The following RGS7 variants were observed in gnomAD, a reference collection of about 807,000 sequenced individuals.
RGS7 encodes the protein regulator of G protein signaling 7, also known as regulator of G-protein signaling 7.
In RGS7, 27 loss-of-function variants were observed where a neutral mutation model predicts 81.1. The ratio of observed to expected loss-of-function variants is 0.33; its 90% CI spans 0.25 to 0.46. The LOEUF is 0.46. Ranked by LOEUF, RGS7 falls within the 20% of genes least tolerant of loss-of-function variation. RGS7 has a pLI of 1.00. For missense variants in RGS7, 396 were observed against 607.4 expected, an observed-to-expected ratio of 0.65 and a Z score of 3.66; for synonymous variants, 208 against 207.7, an observed-to-expected ratio of 1.00 and a Z score of -0.01.
chr1:240,924,272 A>T (rs911328760), intron 6 of RGS7, among the ~76,000 whole-genome samples: 44 of 152,156 alleles, frequency 2.9e-4, no homozygotes, highest in Non-Finnish European at 3.7e-4. Flanking sequence ...GATTCTCAAC[A>T]TCCTTTTATT....
At chr1:241,345,493 T>G (rs2082837444) in intron 2 of RGS7, among the ~76,000 whole-genome samples, 2 of 152,206 alleles carry the variant, frequency 1.3e-5, no homozygotes, top group South Asian at 4.1e-4. Context: ...AGAAGAGTTT[T>G]TATAAAGGTA....
intron 10 of RGS7, among the ~76,000 whole-genome samples, chr1:240,820,582 T>C (rs890952375): frequency 7.9e-5 from 12 of 151,924 alleles, no homozygotes; most frequent in African/African-American, 2.7e-4. Context: ...CTTTGGGAGG[T>C]GACTAGGTAT....
At chr1:240,961,698 G>C (rs1326494612) in intron 4 of RGS7, among the ~76,000 whole-genome samples, 1 of 152,186 alleles carries the variant, frequency 6.6e-6, no homozygotes, top group Admixed American at 6.5e-5. Flanking sequence ...CATTGAACTG[G>C]TACCTTTCTG....
chr1:241,345,287 T>C (rs971494256), intron 2 of RGS7, among the ~76,000 whole-genome samples: 1 of 152,182 alleles, frequency 6.6e-6, no homozygotes, highest in Admixed American at 6.5e-5. Flanking sequence ...TATTGGGTTA[T>C]AACTATGCTT....
chr1:241,299,271 C>A (rs1446061764), intron 2 of RGS7, among the ~76,000 whole-genome samples: 2 of 152,064 alleles, frequency 1.3e-5, no homozygotes, highest in Non-Finnish European at 2.9e-5. Context: ...CTCACAATGT[C>A]CAGGAAGATC....
intron 13 of RGS7, among the ~76,000 whole-genome samples, chr1:240,812,810 G>C (rs1162437133): frequency 6.6e-6 from 1 of 152,162 alleles, no homozygotes; most frequent in Admixed American, 6.6e-5. Flanking sequence ...GTAACCAAAA[G>C]ATCTCAATAC....
chr1:241,291,805 A>C (rs1024197784), intron 2 of RGS7, among the ~76,000 whole-genome samples: 1 of 151,650 alleles, frequency 6.6e-6, no homozygotes, highest in African/African-American at 2.4e-5. Context: ...CGAACTCCTG[A>C]CCTCAGGTGA....
At chr1:240,930,600 G>A (rs566337252) in intron 6 of RGS7, 117 bp downstream of exon 6, 253 of 964,894 alleles carry the variant, frequency 2.6e-4, no homozygotes, top group Non-Finnish European at 3.9e-4. Context: ...AAAAATATTG[G>A]TCCCATCCTG....
chr1:240,967,581 G>GGA lies in RGS7; in HGVS notation c.226+15497_226+15498insTC, dbSNP rs1553370026. Among the ~76,000 whole-genome samples the GGA allele has an allele frequency of 1.0e-3, 144 of 139,078 alleles. 1 individual carries two copies. Among genetic ancestry groups the GGA allele is most frequent in the Middle Eastern group, 3.5e-3 (1 of 282 alleles). 91.2% of individuals were successfully genotyped at this position (139,078 alleles called of 152,430 possible). A position where few individuals can be genotyped will look rare whatever the true frequency, so the allele number is the denominator to read the frequency against. On this transcript the variant is annotated intron_variant, in intron 4 of 18. Transcript: ENST00000440928. ...TGTGCCAAGAAGTGGGGGGGGGGGG[G>GGA]AAAAGGCTGTAGCAAGAGTATGGGC...
At chr1:240,790,676 G>C (rs1334401216) in intron 18 of RGS7, among the ~76,000 whole-genome samples, 1 of 152,166 alleles carries the variant, frequency 6.6e-6, no homozygotes, top group Non-Finnish European at 1.5e-5. Flanking sequence ...CTGTCTACGG[G>C]TACCACATCT....
chr1:241,004,071 AATAAC>A (rs2058562147), intron 3 of RGS7, among the ~76,000 whole-genome samples: 1 of 152,200 alleles, frequency 6.6e-6, no homozygotes, highest in Non-Finnish European at 1.5e-5. Context: ...ACTGCGAGGG[AATAAC>A]ATAACAGAAG....
At chr1:241,291,373 T>C (rs1365207156) in intron 2 of RGS7, among the ~76,000 whole-genome samples, 1 of 152,170 alleles carries the variant, frequency 6.6e-6, no homozygotes, top group Non-Finnish European at 1.5e-5. Context: ...TTAAGGCAGA[T>C]GATACTCTGG....
At chr1:241,251,358 T>C (rs1417215888) in intron 2 of RGS7, among the ~76,000 whole-genome samples, 1 of 152,200 alleles carries the variant, frequency 6.6e-6, no homozygotes, top group Non-Finnish European at 1.5e-5. Context: ...AATGTCTTAC[T>C]ATTATGTACT....
intron 2 of RGS7, among the ~76,000 whole-genome samples, chr1:241,340,095 T>C (rs1222545188): frequency 6.6e-6 from 1 of 152,196 alleles, no homozygotes; most frequent in African/African-American, 2.4e-5. Flanking sequence ...TTCCAACAGA[T>C]AAACTTCTTT....
At chr1:241,221,445 G>A (rs987740435) in intron 2 of RGS7, among the ~76,000 whole-genome samples, 5 of 152,202 alleles carry the variant, frequency 3.3e-5, no homozygotes, top group Admixed American at 6.5e-5. Context: ...ATATAGTGAC[G>A]TGACTGAGAA....
Position 241,308,426 on chromosome 1 carries a change from A to T in RGS7, c.78+47273T>A, listed in dbSNP as rs139088767. ...GGCAATTTTGTGTTTTGACACGGAT[A>T]TGGATTAAGCACCTGGGAGAAGCAT... On this transcript the variant is annotated intron_variant, in intron 2 of 18. Coordinates refer to ENST00000440928, the MANE Select transcript of RGS7 (RefSeq NM_001364886.1). 1.1e-3 allele frequency among the ~76,000 whole-genome samples: 164 copies of T among 152,344 alleles called. 1 individual carries two copies. The highest frequency in any genetic ancestry group is 3.1e-3 in the African/African-American group (130 of 41,584).
chr1:241,118,454 TA>T (rs910124804), intron 2 of RGS7, among the ~76,000 whole-genome samples: 1 of 152,150 alleles, frequency 6.6e-6, no homozygotes, highest in African/African-American at 2.4e-5. Context: ...AGATTTTTTT[TA>T]AAAAATCAAA....
At chr1:241,087,147 A>G (rs954746237) in intron 3 of RGS7, among the ~76,000 whole-genome samples, 2 of 152,174 alleles carry the variant, frequency 1.3e-5, no homozygotes, top group African/African-American at 4.8e-5. Flanking sequence ...TAGGCTCCTG[A>G]ACGATGTTTA....
intron 2 of RGS7, among the ~76,000 whole-genome samples, chr1:241,264,035 G>A (rs988589156): frequency 2.6e-5 from 4 of 152,146 alleles, no homozygotes; most frequent in Non-Finnish European, 5.9e-5. Context: ...TGTTCATGTT[G>A]CTTAATAGTA....
Sources: gnomAD v4.1 joint callset for allele counts (sites outside exome capture counted in the v4.1 genomes callset) on GRCh38, gnomAD v4.1.1 for gene constraint, MANE v1.5 for transcripts, NCBI Gene and HGNC (gene_info 2026-07-23, HGNC 2026-07-21) for gene names.